PAK1: variants seen among roughly 807,000 people sequenced by gnomAD.
PAK1 encodes serine/threonine-protein kinase PAK 1.
PAK1 carries 29 observed loss-of-function variants against 67.4 expected under a neutral mutation model. The ratio of observed to expected loss-of-function variants is 0.43; its 90% CI spans 0.32 to 0.59. PAK1 has a LOEUF of 0.59. Ranked by LOEUF, PAK1 falls within the 20% of genes least tolerant of loss-of-function variation. PAK1 has a pLI of 0.07. For missense variants in PAK1, 337 were observed against 670.7 expected, an observed-to-expected ratio of 0.50 and a Z score of 5.50; for synonymous variants, 223 against 237.4, an observed-to-expected ratio of 0.94 and a Z score of 0.56.
At chr11:77,440,187 A>G (rs951572363) in intron 1 of PAK1, among the ~76,000 whole-genome samples, 2 of 152,206 alleles carry the variant, frequency 1.3e-5, no homozygotes, top group Non-Finnish European at 2.9e-5. Flanking sequence ...ACTCTGCTAT[A>G]AAATGGTATT....
chr11:77,391,533 C>T (rs976161069), intron 2 of PAK1, among the ~76,000 whole-genome samples: 16 of 152,150 alleles, frequency 1.1e-4, no homozygotes, highest in Non-Finnish European at 5.9e-5. Flanking sequence ...CTTTAGCATG[C>T]CATAAGAACA....
intron 1 of PAK1, among the ~76,000 whole-genome samples, chr11:77,442,197 A>T (rs1463809777): frequency 9.9e-5 from 15 of 152,132 alleles, no homozygotes; most frequent in African/African-American, 2.4e-5. Flanking sequence ...TGTGAAAACC[A>T]CTACTTGGAG....
At chr11:77,516,708 A>T in the PAK1 span, among the ~76,000 whole-genome samples, 2 of 152,102 alleles carry the variant, frequency 1.3e-5, no homozygotes. Context: ...TAACCAATTT[A>T]AACTAACTAC....
chr11:77,449,837 T>A (rs984513719), intron 1 of PAK1, among the ~76,000 whole-genome samples: 3 of 152,148 alleles, frequency 2.0e-5, no homozygotes, highest in Admixed American at 6.5e-5. Context: ...TTCAATTTTT[T>A]AAAAATTCTG....
At chr11:77,355,128 T>G (rs374300369) in intron 7 of PAK1, among the ~76,000 whole-genome samples, 1 of 152,132 alleles carries the variant, frequency 6.6e-6, no homozygotes, top group Non-Finnish European at 1.5e-5. Flanking sequence ...TTGCAAAAAT[T>G]AGGATCATAA....
chr11:77,395,928 C>G (rs945307686), intron 1 of PAK1, among the ~76,000 whole-genome samples: 2 of 152,190 alleles, frequency 1.3e-5, no homozygotes, highest in African/African-American at 2.4e-5. Flanking sequence ...TTTACTGTCT[C>G]AGTTCTCAAG....
At chr11:77,430,729 T>C (rs939268618) in intron 1 of PAK1, among the ~76,000 whole-genome samples, 2 of 152,240 alleles carry the variant, frequency 1.3e-5, no homozygotes, top group Non-Finnish European at 2.9e-5. Flanking sequence ...TTTCCTCCTC[T>C]GTTAAATGGG....
chr11:77,507,897 A>G, the PAK1 span, among the ~76,000 whole-genome samples: 1 of 152,196 alleles, frequency 6.6e-6, no homozygotes, highest in African/African-American at 2.4e-5. Context: ...AATAATCTCA[A>G]GAGTATATAA....
intron 5 of PAK1, among the ~76,000 whole-genome samples, chr11:77,373,983 C>A (rs1376720592): frequency 6.6e-6 from 1 of 152,180 alleles, no homozygotes; most frequent in African/African-American, 2.4e-5. Context: ...AAGAGGCAAA[C>A]TGACTTTCCC....
chr11:77,509,435 G>A, the PAK1 span, among the ~76,000 whole-genome samples: 4 of 152,158 alleles, frequency 2.6e-5, no homozygotes, highest in Admixed American at 1.3e-4. Flanking sequence ...ACACTGGGCT[G>A]TTACAAGAGT....
At chr11:77,495,790 GA>G in the PAK1 span, among the ~76,000 whole-genome samples, 1 of 152,174 alleles carries the variant, frequency 6.6e-6, no homozygotes, top group Admixed American at 6.5e-5. Context: ...AGACAGTCAA[GA>G]AATACAAACT....
the PAK1 span, among the ~76,000 whole-genome samples, chr11:77,516,809 C>G: frequency 2.7e-5 from 4 of 145,700 alleles, no homozygotes; most frequent in Non-Finnish European, 4.5e-5. Context: ...TCAAGACCAG[C>G]CTGGGCAACA....
rs144080656 is a variant in PAK1, at chr11:77,433,837, T to C, written c.-22+39715A>G. 1.6e-3 allele frequency among the ~76,000 whole-genome samples: 237 copies of C among 152,232 alleles called. 1 individual carries two copies. Among genetic ancestry groups the C allele is most frequent in the Non-Finnish European group, 2.9e-3 (196 of 68,006 alleles). On this transcript the variant is annotated intron_variant, in intron 1 of 14. Transcript: ENST00000356341. ...TTTAAAAATGGACAAAGGCTCTAAA[T>C]AGACATTTGTCCCAGGAAGATATCC...
the PAK1 span, among the ~76,000 whole-genome samples, chr11:77,483,063 G>C: frequency 6.6e-6 from 1 of 152,128 alleles, no homozygotes; most frequent in African/African-American, 2.4e-5. Context: ...TGGGCATGGT[G>C]GTGGGCACCT....
chr11:77,467,136 G>A (rs1957635763), intron 1 of PAK1, among the ~76,000 whole-genome samples: 1 of 151,926 alleles, frequency 6.6e-6, no homozygotes, highest in African/African-American at 2.4e-5. Context: ...CTTTCAAGAG[G>A]GTCCATCATC....
chr11:77,322,750 T>G lies in PAK1; in HGVS notation c.*524A>C. The G allele has an allele frequency of 3.3e-6, 1 of 307,518 alleles. No individual in the cohort carries two copies. The highest frequency in any genetic ancestry group is 6.1e-6 in the Non-Finnish European group (1 of 163,762). The allele number at this position is 307,518 out of a possible 1,614,324, so 19.0% of individuals were successfully genotyped here. A position where few individuals can be genotyped will look rare whatever the true frequency, so the allele number is the denominator to read the frequency against. The stretch of plus-strand genomic sequence containing the variant: ...AGGATCAGCTGAGCCAAAGTCATGG[T>G]CCAGGAAGCTGAGCCTCTTCATGTC... On this transcript the variant is annotated 3_prime_UTR_variant, in exon 15 of 15. Coordinates refer to ENST00000356341, the MANE Select transcript of PAK1 (RefSeq NM_002576.5).
intron 1 of PAK1, among the ~76,000 whole-genome samples, chr11:77,461,140 T>C (rs992262745): frequency 2.0e-5 from 3 of 152,214 alleles, no homozygotes; most frequent in Admixed American, 6.5e-5. Context: ...ATCCCACCTA[T>C]AGAAATTTAT....
At chr11:77,518,100 T>C in the PAK1 span, among the ~76,000 whole-genome samples, 2 of 152,226 alleles carry the variant, frequency 1.3e-5, no homozygotes, top group Non-Finnish European at 2.9e-5. Context: ...TAAGTAATTA[T>C]TCCAGATTTC....
chr11:77,426,630 G>C (rs958021780), intron 1 of PAK1, among the ~76,000 whole-genome samples: 1 of 152,112 alleles, frequency 6.6e-6, no homozygotes, highest in Non-Finnish European at 1.5e-5. Context: ...GCACCAGGCA[G>C]ATGGAATAGT....
Sources: allele counts gnomAD v4.1 joint callset (sites outside exome capture counted in the v4.1 genomes callset), GRCh38; gene constraint gnomAD v4.1.1; transcripts MANE v1.5; gene names NCBI Gene and HGNC (gene_info 2026-07-23, HGNC 2026-07-21).